SHISA9: variants seen among roughly 807,000 people sequenced by gnomAD.
SHISA9 encodes the protein shisa family member 9.
In SHISA9, 13 loss-of-function variants were observed where a neutral mutation model predicts 38.0. That is an observed-to-expected ratio of 0.34 (90% CI 0.22 to 0.54). The LOEUF (loss-of-function observed/expected upper bound fraction) is 0.54. Among genes scored for constraint, SHISA9 ranks in the 20% least tolerant of loss-of-function variants. The probability of loss-of-function intolerance (pLI) is 0.91; values close to 1 mark genes in which losing one functional copy is unlikely to be tolerated. For synonymous variants in SHISA9, 275 were observed against 242.0 expected (o/e 1.14, Z -1.27); for missense variants, 538 against 575.8 (o/e 0.93, Z 0.67).
At chr16:13,499,505 A>G in the SHISA9 span, among the ~76,000 whole-genome samples, 2 of 152,216 alleles carry the variant, frequency 1.3e-5, no homozygotes, top group Non-Finnish European at 1.5e-5. Flanking sequence ...AGATCAGAAG[A>G]AAGCACTTCA....
At chr16:13,506,343 T>G in the SHISA9 span, among the ~76,000 whole-genome samples, 1 of 152,066 alleles carries the variant, frequency 6.6e-6, no homozygotes. Flanking sequence ...GTGATTTCCA[T>G]CCCAACAGAG....
intron 2 of SHISA9, among the ~76,000 whole-genome samples, chr16:12,984,336 T>G (rs2072279633): frequency 1.3e-5 from 2 of 152,234 alleles, no homozygotes; most frequent in Admixed American, 6.5e-5. Context: ...TGTGGAGGAC[T>G]TCACATTAAA....
intron 2 of SHISA9, among the ~76,000 whole-genome samples, chr16:12,970,355 A>ATATATATATATACATATATGTG (rs1567356846): frequency 7.4e-5 from 4 of 54,120 alleles, no homozygotes; most frequent in Non-Finnish European, 1.6e-4. Flanking sequence ...ATATATGTGT[A>ATATATATATATACATATATGTG]TATATATATA....
the SHISA9 span, among the ~76,000 whole-genome samples, chr16:13,524,365 G>C: frequency 6.6e-6 from 1 of 152,110 alleles, no homozygotes; most frequent in South Asian, 2.1e-4. Context: ...TTTGCCCACT[G>C]GCCATATATG....
intron 2 of SHISA9, among the ~76,000 whole-genome samples, chr16:12,983,835 C>G (rs1003021788): frequency 6.6e-6 from 1 of 152,130 alleles, no homozygotes; most frequent in Non-Finnish European, 1.5e-5. Flanking sequence ...TGAGCTCTGT[C>G]TTCTACTCCT....
At chr16:13,002,127 C>T (rs2072533433) in intron 2 of SHISA9, among the ~76,000 whole-genome samples, 1 of 152,202 alleles carries the variant, frequency 6.6e-6, no homozygotes, top group South Asian at 2.1e-4. Context: ...AGCAATAACA[C>T]TTGTGCCTTA....
intron 2 of SHISA9, among the ~76,000 whole-genome samples, chr16:13,044,605 G>C (rs1043153407): frequency 3.3e-5 from 5 of 152,202 alleles, no homozygotes; most frequent in African/African-American, 1.2e-4. Flanking sequence ...AGGAAGCACC[G>C]TGGGGCTCAG....
chr16:13,121,823 A>G lies in SHISA9; in HGVS notation c.692-81571A>G, dbSNP rs137992911. On this transcript the variant is annotated intron_variant, in intron 2 of 4. Transcript: ENST00000558583. ...TAATAGGTCACAACATTAAACACCT[A>G]TACACACATACACACACACACACAC... 3.9e-3 allele frequency among the ~76,000 whole-genome samples: 456 copies of G among 115,576 alleles called. 3 individuals are homozygous for G. The highest frequency in any genetic ancestry group is 0.017 in the African/African-American group (442 of 25,554). The allele number at this position is 115,576 out of a possible 152,430, so 75.8% of individuals were successfully genotyped here.
chr16:13,505,038 C>T, the SHISA9 span, among the ~76,000 whole-genome samples: 2 of 152,146 alleles, frequency 1.3e-5, no homozygotes, highest in South Asian at 2.1e-4. Context: ...AAAGGCTGCT[C>T]GGTGTGGTTT....
chr16:13,326,275 C>CCA, the SHISA9 span, among the ~76,000 whole-genome samples: 5 of 151,984 alleles, frequency 3.3e-5, no homozygotes, highest in African/African-American at 1.2e-4. Flanking sequence ...CCTCATGAGC[C>CCA]CACTAAGAAT....
At chr16:13,397,182 A>C in the SHISA9 span, among the ~76,000 whole-genome samples, 1 of 152,256 alleles carries the variant, frequency 6.6e-6, no homozygotes, top group Non-Finnish European at 1.5e-5. Flanking sequence ...GTGTTAATCG[A>C]CTGTCTACGT....
chr16:13,363,710 T>G, the SHISA9 span, among the ~76,000 whole-genome samples: 1 of 152,200 alleles, frequency 6.6e-6, no homozygotes, highest in African/African-American at 2.4e-5. Flanking sequence ...GTATCATCTG[T>G]GCTGAACCTA....
chr16:13,348,895 CTT>C, the SHISA9 span, among the ~76,000 whole-genome samples: 1 of 152,092 alleles, frequency 6.6e-6, no homozygotes, highest in Non-Finnish European at 1.5e-5. Flanking sequence ...CTTGTTTTCT[CTT>C]TGCACTCTCC....
chr16:13,347,409 A>G, the SHISA9 span, among the ~76,000 whole-genome samples: 1 of 152,096 alleles, frequency 6.6e-6, no homozygotes, highest in South Asian at 2.1e-4. Context: ...GTCCATCCAT[A>G]ATCCTATTCC....
chr16:13,374,480 A>C, the SHISA9 span, among the ~76,000 whole-genome samples: 1 of 152,096 alleles, frequency 6.6e-6, no homozygotes, highest in Non-Finnish European at 1.5e-5. Flanking sequence ...CCATGTCCCT[A>C]CAAAGGACAT....
chr16:13,015,216 C>A (rs1318326140), intron 2 of SHISA9, among the ~76,000 whole-genome samples: 1 of 152,176 alleles, frequency 6.6e-6, no homozygotes, highest in Non-Finnish European at 1.5e-5. Context: ...GTCTGTGGCA[C>A]CTTTTGTGCT....
the SHISA9 span, among the ~76,000 whole-genome samples, chr16:13,484,552 A>G: frequency 6.6e-6 from 1 of 152,164 alleles, no homozygotes; most frequent in African/African-American, 2.4e-5. Flanking sequence ...TAATTGGTGA[A>G]TGTTGCCTCT....
the SHISA9 span, among the ~76,000 whole-genome samples, chr16:13,498,999 A>T: frequency 6.6e-6 from 1 of 152,174 alleles, no homozygotes; most frequent in African/African-American, 2.4e-5. Context: ...TGTTCTCCAG[A>T]CATAAGGTGA....
chr16:13,457,246 C>T, the SHISA9 span, among the ~76,000 whole-genome samples: 1 of 152,194 alleles, frequency 6.6e-6, no homozygotes, highest in Admixed American at 6.5e-5. Context: ...GCAGAGGTTG[C>T]AGTGAGCCAA....
Sources: allele counts gnomAD v4.1 joint callset (sites outside exome capture counted in the v4.1 genomes callset), GRCh38; gene constraint gnomAD v4.1.1; transcripts MANE v1.5; gene names NCBI Gene and HGNC (gene_info 2026-07-23, HGNC 2026-07-21).